NBAS: variants seen among roughly 807,000 people sequenced by gnomAD.
NBAS encodes the protein NAG/BC035112 fusion.
Under a neutral mutation model 302.5 loss-of-function variants are expected in NBAS, and 219 were observed. That is an observed-to-expected ratio of 0.72 (90% CI 0.65 to 0.81). The LOEUF is 0.81. Among genes scored for constraint, NBAS ranks in the 30% least tolerant of loss-of-function variants. The pLI is 0.00. For synonymous variants in NBAS, 1,118 were observed against 1,021.6 expected (o/e 1.09, Z -1.80); for missense variants, 2,932 against 2,841.6 (o/e 1.03, Z -0.72).
chr2:15,512,506 T>C (rs1370763560), intron 9 of NBAS, among the ~76,000 whole-genome samples: 1 of 152,194 alleles, frequency 6.6e-6, no homozygotes, highest in Non-Finnish European at 1.5e-5. Context: ...AGGTTGTAGA[T>C]GGAATTAGGG....
chr2:15,152,883 C>T, the NBAS span, among the ~76,000 whole-genome samples: 8 of 152,156 alleles, frequency 5.3e-5, no homozygotes, highest in Non-Finnish European at 1.2e-4. Context: ...TGGAGCACCG[C>T]TCCCTTCACT....
At chr2:15,091,740 C>T in the NBAS span, among the ~76,000 whole-genome samples, 2 of 152,126 alleles carry the variant, frequency 1.3e-5, no homozygotes, top group African/African-American at 2.4e-5. Context: ...GCCATATTGG[C>T]CAGGCTGGTC....
At chr2:15,547,189 GA>G (rs1193838819) in intron 6 of NBAS, among the ~76,000 whole-genome samples, 1 of 152,140 alleles carries the variant, frequency 6.6e-6, no homozygotes, top group African/African-American at 2.4e-5. Context: ...AACAATAATT[GA>G]AAAATATCAG....
Position 15,292,610 on chromosome 2 carries a change from G to C in NBAS, c.4954C>G (p.Arg1652Gly), listed in dbSNP as rs530475092. 2.5e-6 allele frequency: 4 copies of C among 1,614,000 alleles called. No homozygotes were observed. The highest frequency in any genetic ancestry group is 1.3e-5 in the African/African-American group (1 of 74,914). ...AACCGCTGCACGTCCACACCCTTCCGAAGGCCCTGAAGGATCTGCGCCTGA... is the reference window on the plus strand; with the variant it reads ...AACCGCTGCACGTCCACACCCTTCCCAAGGCCCTGAAGGATCTGCGCCTGA... ...FTQAQILQGL[R>G]KGVDVQRFTA... Residue 1652 changes from arginine (R) to glycine (G), a missense_variant, in exon 41 of 52, where the codon CGG becomes GGG. Arg to Gly is a moderately radical substitution (Grantham distance 125). Transcript: ENST00000281513.
the NBAS span, among the ~76,000 whole-genome samples, chr2:15,140,747 T>C: frequency 1.3e-5 from 2 of 152,186 alleles, no homozygotes; most frequent in South Asian, 4.1e-4. Context: ...TTAACCTTGA[T>C]TGTGACCTAA....
At chr2:15,096,587 C>A in the NBAS span, among the ~76,000 whole-genome samples, 1 of 152,206 alleles carries the variant, frequency 6.6e-6, no homozygotes, top group African/African-American at 2.4e-5. Flanking sequence ...CAACAACTCT[C>A]CTTATGCAGT....
At chr2:15,044,431 C>A in the NBAS span, among the ~76,000 whole-genome samples, 1 of 152,222 alleles carries the variant, frequency 6.6e-6, no homozygotes, top group African/African-American at 2.4e-5. Flanking sequence ...ACAGCAAAAC[C>A]TATTAATGAG....
the NBAS span, among the ~76,000 whole-genome samples, chr2:14,888,424 C>G: frequency 1.3e-5 from 2 of 151,766 alleles, no homozygotes; most frequent in East Asian, 3.9e-4. Context: ...AGCCACCATG[C>G]CTGGCCCTGA....
At chr2:14,925,820 A>C in the NBAS span, among the ~76,000 whole-genome samples, 1 of 152,352 alleles carries the variant, frequency 6.6e-6, no homozygotes, top group Non-Finnish European at 1.5e-5. Context: ...ATACTTTGTC[A>C]TACTATAGAA....
chr2:14,972,914 T>C, the NBAS span, among the ~76,000 whole-genome samples: 1 of 152,198 alleles, frequency 6.6e-6, no homozygotes, highest in African/African-American at 2.4e-5. Flanking sequence ...GAATAATATT[T>C]GACAAATGAT....
Position 15,442,961 on chromosome 2 carries a change from C to T in NBAS, c.2340-15167G>A, listed in dbSNP as rs563217691. 5.0e-3 allele frequency among the ~76,000 whole-genome samples: 763 copies of T among 152,096 alleles called. 1 individual carries two copies. The highest frequency in any genetic ancestry group is 0.016 in the African/African-American group (667 of 41,436). On this transcript the variant is annotated intron_variant, in intron 21 of 51. Coordinates refer to ENST00000281513, the MANE Select transcript of NBAS (RefSeq NM_015909.4). Reference sequence around the variant, plus strand: ...TCCCAACACTAAACCAGGAAGAAGTCGAATCTCTGAATAGACCAATAACAG... The same window carrying T: ...TCCCAACACTAAACCAGGAAGAAGTTGAATCTCTGAATAGACCAATAACAG...
At chr2:15,280,269 T>G (rs1009535666) in intron 42 of NBAS, among the ~76,000 whole-genome samples, 2 of 152,160 alleles carry the variant, frequency 1.3e-5, no homozygotes, top group African/African-American at 4.8e-5. Context: ...AAATACATTT[T>G]TCTTTACTCA....
At chr2:15,122,430 C>T in the NBAS span, among the ~76,000 whole-genome samples, 405 of 152,222 alleles carry the variant, frequency 2.7e-3, 1 homozygote, top group African/African-American at 8.5e-3. Context: ...ACACCCAGAT[C>T]GCATGTGAAC....
the NBAS span, among the ~76,000 whole-genome samples, chr2:15,002,750 A>G: frequency 1.6e-4 from 24 of 152,230 alleles, no homozygotes; most frequent in Non-Finnish European, 3.5e-4. Flanking sequence ...TGGGGGACCC[A>G]GTACACCCTC....
At chr2:14,857,001 A>T in the NBAS span, among the ~76,000 whole-genome samples, 3 of 152,214 alleles carry the variant, frequency 2.0e-5, no homozygotes, top group Non-Finnish European at 4.4e-5. Context: ...GCATACAAAA[A>T]TCAGTAGCAT....
At chr2:15,436,630 G>A (rs1678029881) in intron 21 of NBAS, among the ~76,000 whole-genome samples, 1 of 152,194 alleles carries the variant, frequency 6.6e-6, no homozygotes, top group African/African-American at 2.4e-5. Flanking sequence ...TATTTATAAT[G>A]TTGTCTTTAA....
chr2:15,187,031 C>T, intron 49 of NBAS, 151 bp from the exon 50 acceptor site: 2 of 1,169,342 alleles, frequency 1.7e-6, no homozygotes, highest in Admixed American at 2.0e-5. Flanking sequence ...GAAAAGATAA[C>T]ACCTTAAGGA....
the NBAS span, among the ~76,000 whole-genome samples, chr2:14,829,040 CTT>C: frequency 2.8e-5 from 4 of 140,676 alleles, no homozygotes; most frequent in Non-Finnish European, 3.1e-5. Flanking sequence ...TTTTGTTTTT[CTT>C]TTTTTTTTTT....
the NBAS span, among the ~76,000 whole-genome samples, chr2:14,846,366 T>C: frequency 1.3e-5 from 2 of 151,054 alleles, no homozygotes; most frequent in South Asian, 2.1e-4. Flanking sequence ...GTGAAAACTT[T>C]CCCAGACAGA....
Sources: allele counts gnomAD v4.1 joint callset (sites outside exome capture counted in the v4.1 genomes callset), GRCh38; gene constraint gnomAD v4.1.1; transcripts MANE v1.5; gene names NCBI Gene and HGNC (gene_info 2026-07-23, HGNC 2026-07-21).